Variants in CSMD1 observed in about 807,000 individuals in gnomAD.
The protein encoded by CSMD1 is CUB and Sushi multiple domains 1.
In CSMD1, 213 loss-of-function variants were observed where a neutral mutation model predicts 417.5. That is an observed-to-expected ratio of 0.51 (90% confidence interval 0.46 to 0.57). The LOEUF is 0.57. Ranked by LOEUF, CSMD1 falls within the 20% of genes least tolerant of loss-of-function variation. The probability of loss-of-function intolerance (pLI) is 0.00; values close to 1 mark genes in which losing one functional copy is unlikely to be tolerated. For missense variants in CSMD1, 6,923 were observed against 4,529.7 expected, an observed-to-expected ratio of 1.53 and a Z score of -15.17; for synonymous variants, 2,862 against 1,736.8, an observed-to-expected ratio of 1.65 and a Z score of -16.11.
At position 4,451,517 on chromosome 8, in the gene CSMD1, A is replaced by T. The variant is rs1249344359; in HGVS notation, c.303-31452T>A. 2.0e-5 allele frequency among the ~76,000 whole-genome samples: 3 copies of T among 152,194 alleles called. No individual in the cohort carries two copies. In the East Asian group the frequency reaches 5.8e-4, roughly 29 times the overall value. On this transcript the variant is annotated intron_variant, in intron 2 of 69. Transcript: ENST00000635120. Reference sequence around the variant, plus strand: ...AATATTAAACAAGTTTTCTTATCACAAAAATTCCAGAGACAGTGACTCTGG... The same window carrying T: ...AATATTAAACAAGTTTTCTTATCACTAAAATTCCAGAGACAGTGACTCTGG...
At chr8:3,390,102 C>G (rs1418759359) in intron 17 of CSMD1, among the ~76,000 whole-genome samples, 1 of 152,026 alleles carries the variant, frequency 6.6e-6, no homozygotes, top group Non-Finnish European at 1.5e-5. Context: ...TGCTTGTAAT[C>G]CCAGCACTTT....
At chr8:3,810,892 G>A (rs1801030089) in intron 5 of CSMD1, among the ~76,000 whole-genome samples, 1 of 152,126 alleles carries the variant, frequency 6.6e-6, no homozygotes, top group Non-Finnish European at 1.5e-5. Flanking sequence ...TTTTCACCCT[G>A]AGATGTTGAG....
At chr8:3,888,526 C>G (rs1045898531) in intron 5 of CSMD1, among the ~76,000 whole-genome samples, 1 of 152,194 alleles carries the variant, frequency 6.6e-6, no homozygotes, top group African/African-American at 2.4e-5. Context: ...CTGGCTCCCC[C>G]ATCTGACCTT....
At chr8:3,688,845 A>G (rs1177327843) in intron 7 of CSMD1, among the ~76,000 whole-genome samples, 2 of 152,210 alleles carry the variant, frequency 1.3e-5, no homozygotes, top group African/African-American at 4.8e-5. Context: ...ACTGATAGCA[A>G]TCAATTAAAA....
intron 1 of CSMD1, among the ~76,000 whole-genome samples, chr8:4,777,237 T>A (rs1461833439): frequency 1.3e-5 from 2 of 152,192 alleles, no homozygotes; most frequent in Non-Finnish European, 2.9e-5. Flanking sequence ...AAGCAGAGCA[T>A]CCTCTCTGAA....
At chr8:4,097,502 G>A (rs971637259) in intron 3 of CSMD1, among the ~76,000 whole-genome samples, 1 of 152,168 alleles carries the variant, frequency 6.6e-6, no homozygotes, top group African/African-American at 2.4e-5. Context: ...GATTCCCTTT[G>A]AATGTCTTGT....
intron 52 of CSMD1, among the ~76,000 whole-genome samples, chr8:3,015,027 C>T (rs923768008): frequency 5.3e-5 from 8 of 151,838 alleles, no homozygotes; most frequent in African/African-American, 1.9e-4. Flanking sequence ...ATCTCATGTG[C>T]CCCACAAATA....
At chr8:3,801,478 C>G (rs936666177) in intron 5 of CSMD1, among the ~76,000 whole-genome samples, 2 of 152,100 alleles carry the variant, frequency 1.3e-5, no homozygotes, top group Non-Finnish European at 2.9e-5. Flanking sequence ...ATAATAGGCA[C>G]TGGCAAGGAT....
chr8:3,343,158 G>C lies in CSMD1; in HGVS notation c.3631+136C>G, dbSNP rs951343257. On this transcript the variant is annotated intron_variant, in intron 23 of 69. Coordinates refer to ENST00000635120, the MANE Select transcript of CSMD1 (RefSeq NM_033225.6). ...TCCGAATATACAACCAGTCAACAGA[G>C]TACAGAATTAAACTGCAATCAAAAA... The C allele has an allele frequency of 6.0e-6, 4 of 663,640 alleles. No individual in the cohort carries two copies. In the Admixed American group the frequency reaches 1.2e-4, roughly 20 times the overall value. The allele number at this position is 663,640 out of a possible 1,614,324, so 41.1% of individuals were successfully genotyped here.
chr8:3,902,172 A>G lies in CSMD1; in HGVS notation c.818+95731T>C, dbSNP rs931725244. On this transcript the variant is annotated intron_variant, in intron 5 of 69. Coordinates refer to ENST00000635120, the MANE Select transcript of CSMD1 (RefSeq NM_033225.6). ...CAAGCACTGTAGCAACATTGCTACT[A>G]ATAAAATGGAGAATCTCACTTCTGA... is the stretch of plus-strand genomic sequence containing the variant. Among the ~76,000 whole-genome samples, 2 of 152,200 alleles carry G rather than the reference A, an allele frequency of 1.3e-5. 1 individual carries two copies. Among genetic ancestry groups the G allele is most frequent in the Admixed American group, 1.3e-4 (2 of 15,284 alleles).
Position 3,269,162 on chromosome 8 carries a change from G to A in CSMD1, c.4153+14982C>T, listed in dbSNP as rs183643572. Among the ~76,000 whole-genome samples the A allele has an allele frequency of 7.2e-5, 11 of 152,302 alleles. No individual in the cohort carries two copies. In the East Asian group the frequency reaches 1.4e-3, roughly 19 times the overall value. On this transcript the variant is annotated intron_variant, in intron 26 of 69. Transcript: ENST00000635120. ...TCAATCAATTCAACACGCATTCTTC[G>A]TATCTGTGTCATGGACCAGGTGTCC... is the stretch of plus-strand genomic sequence containing the variant.
intron 1 of CSMD1, among the ~76,000 whole-genome samples, chr8:4,648,195 T>C (rs769519272): frequency 2.0e-5 from 3 of 152,260 alleles, no homozygotes; most frequent in Non-Finnish European, 4.4e-5. Context: ...CTTATGTTTG[T>C]TGGACACATA....
chr8:3,229,361 A>G (rs1039437202), intron 27 of CSMD1, among the ~76,000 whole-genome samples: 1 of 152,218 alleles, frequency 6.6e-6, no homozygotes, highest in African/African-American at 2.4e-5. Flanking sequence ...GAATTTTATT[A>G]GTAGAATATT....
intron 11 of CSMD1, among the ~76,000 whole-genome samples, chr8:3,482,623 C>G (rs1246664711): frequency 1.3e-5 from 2 of 152,146 alleles, no homozygotes; most frequent in African/African-American, 2.4e-5. Context: ...AAAGGATATT[C>G]AATCAACCAA....
chr8:3,735,027 T>C (rs533401115), intron 6 of CSMD1, among the ~76,000 whole-genome samples: 1 of 152,220 alleles, frequency 6.6e-6, no homozygotes, highest in Non-Finnish European at 1.5e-5. Flanking sequence ...AATGCTGTTT[T>C]TGTAAAACAA....
At chr8:4,240,350 A>G (rs1376105283) in intron 3 of CSMD1, among the ~76,000 whole-genome samples, 1 of 152,176 alleles carries the variant, frequency 6.6e-6, no homozygotes, top group Admixed American at 6.5e-5. Flanking sequence ...CTAAAAAGGA[A>G]ACTCCTGCAT....
rs151146122 is a variant in CSMD1, at chr8:3,194,304, C to A, written c.5195-4189G>T. Reference sequence around the variant, plus strand: ...CATGTATTTGCCTGCCCAGAAATAACCTCAAGTAAAGAAATTCTTAATGTA... The same window carrying A: ...CATGTATTTGCCTGCCCAGAAATAAACTCAAGTAAAGAAATTCTTAATGTA... On this transcript the variant is annotated intron_variant, in intron 33 of 69. Coordinates refer to ENST00000635120, the MANE Select transcript of CSMD1 (RefSeq NM_033225.6). 8.6e-3 allele frequency among the ~76,000 whole-genome samples: 1,305 copies of A among 152,110 alleles called. 29 individuals carry two copies. The highest frequency in any genetic ancestry group is 0.067 in the East Asian group (345 of 5,174).
chr8:3,717,059 G>A (rs1224656567), intron 6 of CSMD1, among the ~76,000 whole-genome samples: 1 of 152,138 alleles, frequency 6.6e-6, no homozygotes, highest in African/African-American at 2.4e-5. Context: ...TTGCTGTGGT[G>A]AAGTCTGATA....
At chr8:3,299,956 C>T (rs766021416) in intron 25 of CSMD1, among the ~76,000 whole-genome samples, 9 of 152,122 alleles carry the variant, frequency 5.9e-5, no homozygotes, top group Non-Finnish European at 1.2e-4. Context: ...AATGTGCAAA[C>T]ATAGCAAATG....
Sources: gnomAD v4.1 joint callset for allele counts (sites outside exome capture counted in the v4.1 genomes callset) on GRCh38, gnomAD v4.1.1 for gene constraint, MANE v1.5 for transcripts, NCBI Gene and HGNC (gene_info 2026-07-23, HGNC 2026-07-21) for gene names.